Variants in LUZP2 observed in about 807,000 individuals in gnomAD.
LUZP2 encodes leucine zipper protein 2.
Under a neutral mutation model 51.6 loss-of-function variants are expected in LUZP2, and 52 were observed. The observed-to-expected ratio is 1.01, with a 90% confidence interval of 0.81 to 1.27. The LOEUF is 1.27. LUZP2 is among the 50% of genes most tolerant of loss of function. The probability of loss-of-function intolerance (pLI) is 0.00; values close to 1 mark genes in which losing one functional copy is unlikely to be tolerated. For missense variants in LUZP2, 436 were observed against 395.4 expected (o/e 1.10, Z -0.87); for synonymous variants, 154 against 137.3 (o/e 1.12, Z -0.85).
intron 1 of LUZP2, among the ~76,000 whole-genome samples, chr11:24,707,325 T>C (rs1033349524): frequency 2.0e-5 from 3 of 151,852 alleles, no homozygotes; most frequent in African/African-American, 2.4e-5. Context: ...TGTGTGTGTG[T>C]GCATGTGTGT....
intron 1 of LUZP2, among the ~76,000 whole-genome samples, chr11:24,523,506 A>G (rs930368832): frequency 6.6e-6 from 1 of 150,758 alleles, no homozygotes; most frequent in African/African-American, 2.4e-5. Context: ...TACAAAAAAA[A>G]GAATACTTCG....
intron 9 of LUZP2, among the ~76,000 whole-genome samples, chr11:25,002,304 C>G (rs956823331): frequency 2.0e-5 from 3 of 152,160 alleles, no homozygotes; most frequent in Non-Finnish European, 4.4e-5. Context: ...AGGTTAAGGT[C>G]AGGATTAGCT....
intron 5 of LUZP2, among the ~76,000 whole-genome samples, chr11:24,845,540 G>T (rs1296302664): frequency 6.6e-6 from 1 of 152,098 alleles, no homozygotes; most frequent in Non-Finnish European, 1.5e-5. Flanking sequence ...GGAGGGGCCA[G>T]AGGCAGAATG....
Position 25,075,277 on chromosome 11 carries a change from C to G in LUZP2, c.859-2052C>G, listed in dbSNP as rs147797152. 5.4e-3 allele frequency among the ~76,000 whole-genome samples: 820 copies of G among 152,180 alleles called. 9 individuals carry two copies. The highest frequency in any genetic ancestry group is 0.019 in the African/African-American group (780 of 41,546). On this transcript the variant is annotated intron_variant, in intron 10 of 11. Coordinates refer to ENST00000336930, the MANE Select transcript of LUZP2 (RefSeq NM_001009909.4). ...TAGAATTAGGTGGTTAAGAATTCAG[C>G]TATTGATTTTTAGTCTTATAGTGAC...
At chr11:24,758,688 A>T (rs1365115838) in intron 4 of LUZP2, among the ~76,000 whole-genome samples, 2 of 152,010 alleles carry the variant, frequency 1.3e-5, no homozygotes, top group East Asian at 1.9e-4. Flanking sequence ...TTGATTAGAG[A>T]AATATTGTGC....
intron 5 of LUZP2, among the ~76,000 whole-genome samples, chr11:24,794,428 C>A (rs1472887710): frequency 6.6e-6 from 1 of 152,042 alleles, no homozygotes; most frequent in Non-Finnish European, 1.5e-5. Flanking sequence ...TCCAACAGTG[C>A]GTATTTTCAG....
intron 9 of LUZP2, among the ~76,000 whole-genome samples, chr11:24,989,559 G>T (rs1856276427): frequency 6.6e-6 from 1 of 152,074 alleles, no homozygotes; most frequent in African/African-American, 2.4e-5. Flanking sequence ...AGACAGTATA[G>T]CTTGCTTCCT....
chr11:24,897,184 A>AGCACTCTGTCAAAACGGACCAATCAG (rs35751210), intron 5 of LUZP2, among the ~76,000 whole-genome samples: 5 of 151,770 alleles, frequency 3.3e-5, no homozygotes, highest in Non-Finnish European at 4.4e-5. Context: ...CACACCAATC[A>AGCACTCTGTCAAAACGGACCAATCAG]CACTCTGTCA....
At chr11:24,837,274 C>G (rs1442951634) in intron 5 of LUZP2, among the ~76,000 whole-genome samples, 1 of 151,590 alleles carries the variant, frequency 6.6e-6, no homozygotes, top group Non-Finnish European at 1.5e-5. Context: ...AGATTGATAT[C>G]TAAGAACACA....
chr11:24,541,364 TTAAG>T (rs922332724), intron 1 of LUZP2, among the ~76,000 whole-genome samples: 4 of 151,770 alleles, frequency 2.6e-5, no homozygotes, highest in African/African-American at 7.3e-5. Flanking sequence ...AGGAGAAATA[TTAAG>T]TAAGTACATC....
chr11:24,897,058 A>T (rs546733041), intron 5 of LUZP2, among the ~76,000 whole-genome samples: 1 of 152,122 alleles, frequency 6.6e-6, no homozygotes, highest in Non-Finnish European at 1.5e-5. Context: ...TTGTAAACAC[A>T]CCAATCAGTG....
At chr11:24,711,776 C>T (rs1212245301) in intron 1 of LUZP2, among the ~76,000 whole-genome samples, 35 of 152,058 alleles carry the variant, frequency 2.3e-4, no homozygotes, top group Admixed American at 1.9e-3. Context: ...CTATTTGCAG[C>T]CCTTCTCTGC....
intron 1 of LUZP2, among the ~76,000 whole-genome samples, chr11:24,604,840 C>G (rs1388757483): frequency 2.0e-5 from 3 of 151,664 alleles, no homozygotes; most frequent in African/African-American, 7.3e-5. Context: ...CTCCAAATAC[C>G]CACTATGATT....
chr11:24,673,428 T>C (rs1341186771), intron 1 of LUZP2, among the ~76,000 whole-genome samples: 1 of 152,178 alleles, frequency 6.6e-6, no homozygotes, highest in Non-Finnish European at 1.5e-5. Context: ...TTACATCTGG[T>C]TCTAGAAGGG....
At position 24,667,184 on chromosome 11, in the gene LUZP2, CTTTTTTTTTTT is replaced by C. The variant is rs199740839; in HGVS notation, c.63-61978_63-61968del. Among the ~76,000 whole-genome samples, 5 of 132,056 alleles carry C rather than the reference CTTTTTTTTTTT, an allele frequency of 3.8e-5. No individual in the cohort carries two copies. The Admixed American group carries it at 3.9e-4, about 10-fold the overall frequency. The allele number at this position is 132,056 out of a possible 152,430, so 86.6% of individuals were successfully genotyped here. A position where few individuals can be genotyped will look rare whatever the true frequency, so the allele number is the denominator to read the frequency against. ...GCCCAAATATACATTTTCTTTTTTT[CTTTTTTTTTTT>C]TTTTTTGAGACGGAGTCTCACTATG... On this transcript the variant is annotated intron_variant, in intron 1 of 11. Coordinates refer to ENST00000336930, the MANE Select transcript of LUZP2 (RefSeq NM_001009909.4).
intron 9 of LUZP2, among the ~76,000 whole-genome samples, chr11:25,049,508 A>C (rs1858425076): frequency 6.6e-6 from 1 of 152,126 alleles, no homozygotes; most frequent in African/African-American, 2.4e-5. Flanking sequence ...AGAGAGATGA[A>C]TTCTAGAATA....
At chr11:24,737,060 G>A (rs1758862066) in intron 3 of LUZP2, among the ~76,000 whole-genome samples, 2 of 152,082 alleles carry the variant, frequency 1.3e-5, no homozygotes, top group South Asian at 2.1e-4. Context: ...CTGGGTGAAA[G>A]AGCAGCTTAT....
chr11:24,863,953 A>C (rs143880592), intron 5 of LUZP2, among the ~76,000 whole-genome samples: 38 of 152,280 alleles, frequency 2.5e-4, no homozygotes, highest in African/African-American at 7.9e-4. Flanking sequence ...TTATAACAGG[A>C]TTATTTTCTG....
At chr11:24,929,062 G>T (rs1192823110) in intron 7 of LUZP2, among the ~76,000 whole-genome samples, 2 of 151,892 alleles carry the variant, frequency 1.3e-5, no homozygotes, top group Non-Finnish European at 2.9e-5. Context: ...TTGTATTTCT[G>T]TGGTATCAGT....
Sources: allele counts gnomAD v4.1 joint callset (sites outside exome capture counted in the v4.1 genomes callset), GRCh38; gene constraint gnomAD v4.1.1; transcripts MANE v1.5; gene names NCBI Gene and HGNC (gene_info 2026-07-23, HGNC 2026-07-21).